Variants in SDK1 observed in about 807,000 individuals in gnomAD.
The protein encoded by SDK1 is sidekick cell adhesion molecule 1, also known as protein sidekick-1.
A neutral mutation model predicts 245.5 loss-of-function variants in SDK1; 157 were observed. That is an observed-to-expected ratio of 0.64 (90% CI 0.56 to 0.73). The LOEUF (loss-of-function observed/expected upper bound fraction) is 0.73, where lower values mean the gene tolerates loss of function less well. SDK1 is among the 30% of genes least tolerant of loss of function. SDK1 has a pLI of 0.00. For missense variants in SDK1, 3,583 were observed against 3,002.3 expected, an observed-to-expected ratio of 1.19 and a Z score of -4.52; for synonymous variants, 1,647 against 1,278.5, an observed-to-expected ratio of 1.29 and a Z score of -6.15.
intron 1 of SDK1, among the ~76,000 whole-genome samples, chr7:3,511,701 C>T (rs538152992): frequency 1.2e-4 from 18 of 151,894 alleles, no homozygotes; most frequent in African/African-American, 4.3e-4. Context: ...TCACTGTGGA[C>T]AGTTAAAGCA....
intron 23 of SDK1, among the ~76,000 whole-genome samples, chr7:4,111,314 A>G (rs1783328030): frequency 6.6e-6 from 1 of 152,212 alleles, no homozygotes; most frequent in Non-Finnish European, 1.5e-5. Flanking sequence ...ATGAGCTGTT[A>G]GTACTGTGAT....
At chr7:3,514,330 G>A (rs1004431869) in intron 1 of SDK1, among the ~76,000 whole-genome samples, 2 of 152,108 alleles carry the variant, frequency 1.3e-5, no homozygotes, top group Non-Finnish European at 2.9e-5. Context: ...TTCTGTTGAT[G>A]AAACAAGAAA....
chr7:4,148,983 G>A (rs901108053), intron 29 of SDK1, among the ~76,000 whole-genome samples: 17 of 152,174 alleles, frequency 1.1e-4, no homozygotes, highest in African/African-American at 4.1e-4. Context: ...TTGAACCCAG[G>A]AGACAGAGGT....
At chr7:3,915,471 C>T (rs756055361) in intron 5 of SDK1, among the ~76,000 whole-genome samples, 2 of 152,160 alleles carry the variant, frequency 1.3e-5, no homozygotes, top group South Asian at 2.1e-4. Flanking sequence ...CTCATGAGAT[C>T]GGATGGTTTT....
rs553399062 is a variant in SDK1 at position 4,166,895 on chromosome 7, G to A, written c.4800+5039G>A. ...GGGAGGTTCCACAGAGGCCAGCAAC[G>A]GCAGAGGGTCCGAGGTCACCGTTCA... On this transcript the variant is annotated intron_variant, in intron 32 of 44. Coordinates refer to ENST00000404826, the MANE Select transcript of SDK1 (RefSeq NM_152744.4). Among the ~76,000 whole-genome samples the A allele has an allele frequency of 7.0e-4, 106 of 152,226 alleles. 1 individual carries two copies. Among genetic ancestry groups the A allele is most frequent in the African/African-American group, 2.4e-3 (99 of 41,542 alleles).
At position 4,220,804 on chromosome 7, in the gene SDK1, C is replaced by G. The variant is rs1486123624; in HGVS notation, c.5702-435C>G. ...GTTTGTTTTTTGAGACAGGGTCTCA[C>G]TCTGTCACCCAAGCTGGAGTGCAGC... On this transcript the variant is annotated intron_variant, in intron 39 of 44. Transcript: ENST00000404826. 6.6e-5 allele frequency among the ~76,000 whole-genome samples: 10 copies of G among 152,144 alleles called. No homozygotes were observed. The South Asian group carries it at 1.9e-3, about 28-fold the overall frequency.
At chr7:3,344,926 C>T (rs1780453873) in intron 1 of SDK1, among the ~76,000 whole-genome samples, 1 of 152,134 alleles carries the variant, frequency 6.6e-6, no homozygotes, top group Admixed American at 6.5e-5. Context: ...TTTCCAGGTC[C>T]ACACAAGCAC....
In SDK1 at chr7:3,838,887, A is replaced by G. The variant is rs571333327; in HGVS notation, c.847+17304A>G. ...GGAAATATAAGTTAGACAATGAAGG[A>G]GGAGAGTGTCTCTGACTGCCCCATC... is the stretch of plus-strand genomic sequence containing the variant. On this transcript the variant is annotated intron_variant, in intron 5 of 44. Coordinates refer to ENST00000404826, the MANE Select transcript of SDK1 (RefSeq NM_152744.4). 8.9e-4 allele frequency among the ~76,000 whole-genome samples: 136 copies of G among 152,326 alleles called. 1 individual carries two copies. Among genetic ancestry groups the G allele is most frequent in the African/African-American group, 3.2e-3 (134 of 41,560 alleles).
intron 17 of SDK1, among the ~76,000 whole-genome samples, chr7:4,031,007 A>G (rs1467680216): frequency 2.0e-5 from 3 of 152,194 alleles, no homozygotes; most frequent in African/African-American, 7.2e-5. Flanking sequence ...GCCCCCATAC[A>G]TACACATTCA....
chr7:4,033,609 AAAAC>A (rs751504652), intron 17 of SDK1, among the ~76,000 whole-genome samples: 8 of 152,230 alleles, frequency 5.3e-5, no homozygotes, highest in Non-Finnish European at 1.0e-4. Context: ...TAAGAGCTCT[AAAAC>A]AGAGAAGAAG....
At chr7:3,516,687 T>G (rs1219548447) in intron 1 of SDK1, among the ~76,000 whole-genome samples, 2 of 152,176 alleles carry the variant, frequency 1.3e-5, no homozygotes, top group African/African-American at 4.8e-5. Flanking sequence ...ATTATGTGTT[T>G]GTATAAATGA....
intron 44 of SDK1, among the ~76,000 whole-genome samples, chr7:4,263,510 A>G (rs1351597260): frequency 1.0e-5 from 1 of 99,988 alleles, no homozygotes; most frequent in Non-Finnish European, 2.2e-5. Context: ...GAGGCCACGT[A>G]GACCTCTCCT....
At chr7:3,999,545 A>G (rs1784921129) in intron 14 of SDK1, among the ~76,000 whole-genome samples, 2 of 152,278 alleles carry the variant, frequency 1.3e-5, no homozygotes, top group East Asian at 1.9e-4. Flanking sequence ...AACGGTCAGT[A>G]TTCGGATGCC....
At chr7:3,939,868 C>T (rs1342571057) in intron 5 of SDK1, among the ~76,000 whole-genome samples, 2 of 152,192 alleles carry the variant, frequency 1.3e-5, no homozygotes, top group Admixed American at 6.5e-5. Flanking sequence ...AGAAAGGTGA[C>T]AGTCTTCACG....
intron 1 of SDK1, among the ~76,000 whole-genome samples, chr7:3,394,815 G>T (rs1485451336): frequency 3.3e-5 from 5 of 151,874 alleles, no homozygotes; most frequent in Non-Finnish European, 7.4e-5. Flanking sequence ...ATTGCTTATA[G>T]AAATATAATT....
chr7:3,534,866 C>T (rs898772078), intron 1 of SDK1, among the ~76,000 whole-genome samples: 1 of 152,316 alleles, frequency 6.6e-6, no homozygotes, highest in Middle Eastern at 3.4e-3. Context: ...GCCCCATCTT[C>T]CCTTCTCTTT....
chr7:3,681,091 C>A (rs1452823820), intron 4 of SDK1, among the ~76,000 whole-genome samples: 1 of 152,194 alleles, frequency 6.6e-6, no homozygotes, highest in African/African-American at 2.4e-5. Context: ...GATCCACTGC[C>A]TCAGCCTCCC....
intron 40 of SDK1, among the ~76,000 whole-genome samples, chr7:4,230,548 A>G (rs1045650920): frequency 1.3e-5 from 2 of 151,724 alleles, no homozygotes; most frequent in African/African-American, 2.4e-5. Context: ...GGAAAAATGG[A>G]TGGATGGATA....
At chr7:3,471,164 T>G (rs1451310553) in intron 1 of SDK1, among the ~76,000 whole-genome samples, 1 of 152,154 alleles carries the variant, frequency 6.6e-6, no homozygotes, top group Non-Finnish European at 1.5e-5. Context: ...TATTTGGATT[T>G]TATGTACAAG....
Sources: allele counts gnomAD v4.1 joint callset (sites outside exome capture counted in the v4.1 genomes callset), GRCh38; gene constraint gnomAD v4.1.1; transcripts MANE v1.5; gene names NCBI Gene and HGNC (gene_info 2026-07-23, HGNC 2026-07-21).